Variants in SERPINI1 observed in about 807,000 individuals in gnomAD.
SERPINI1 encodes the protein serpin family I member 1, also known as neuroserpin.
Under a neutral mutation model 41.1 loss-of-function variants are expected in SERPINI1, and 19 were observed. The observed-to-expected ratio is 0.46, with a 90% CI of 0.32 to 0.68. The LOEUF (loss-of-function observed/expected upper bound fraction) is 0.68, where lower values mean the gene tolerates loss of function less well. SERPINI1 is among the 30% of genes least tolerant of loss of function. The pLI is 0.03. For synonymous variants in SERPINI1, 138 were observed against 156.6 expected, an observed-to-expected ratio of 0.88 and a Z score of 0.89; for missense variants, 460 against 479.2, an observed-to-expected ratio of 0.96 and a Z score of 0.37.
intron 6 of SERPINI1, among the ~76,000 whole-genome samples, chr3:167,809,649 CTGTT>C (rs988988627): frequency 5.3e-5 from 8 of 152,138 alleles, no homozygotes; most frequent in African/African-American, 1.2e-4. Context: ...TGCAAAGTAT[CTGTT>C]TGTTTGATCA....
chr3:167,739,680 T>C (rs1725607531), intron 1 of SERPINI1, among the ~76,000 whole-genome samples: 1 of 152,168 alleles, frequency 6.6e-6, no homozygotes. Context: ...GTAGAAACCA[T>C]ATTTCATTCT....
chr3:167,774,624 C>T (rs2108548029), intron 1 of SERPINI1, among the ~76,000 whole-genome samples: 1 of 152,246 alleles, frequency 6.6e-6, no homozygotes, highest in African/African-American at 2.4e-5. Flanking sequence ...AGCTCCACCT[C>T]CTGTCAGACC....
At chr3:167,772,864 C>CTCTCTCTCTCTATATATA (rs1374013676) in intron 1 of SERPINI1, among the ~76,000 whole-genome samples, 25 of 24,630 alleles carry the variant, frequency 1.0e-3, no homozygotes, top group African/African-American at 1.3e-3. Context: ...CTCTCTCTCT[C>CTCTCTCTCTCTATATATA]TATATATATA....
At chr3:167,766,497 G>T (rs1466562818) in intron 1 of SERPINI1, among the ~76,000 whole-genome samples, 1 of 152,186 alleles carries the variant, frequency 6.6e-6, no homozygotes, top group East Asian at 1.9e-4. Flanking sequence ...GGAATTACGG[G>T]TGCTACAACT....
At chr3:167,795,321 C>T (rs1206753846) in intron 5 of SERPINI1, among the ~76,000 whole-genome samples, 1 of 152,178 alleles carries the variant, frequency 6.6e-6, no homozygotes, top group Non-Finnish European at 1.5e-5. Flanking sequence ...TGCAACTCTG[C>T]TCAAAATTCT....
At chr3:167,822,808 G>T (rs537114978) in intron 6 of SERPINI1, 178 bp from the exon 7 acceptor site, 33 of 542,176 alleles carry the variant, frequency 6.1e-5, no homozygotes, top group Non-Finnish European at 1.1e-4. Context: ...TATAAAATGA[G>T]GGCAAATTAA....
chr3:167,749,260 C>A (rs1371155580), intron 1 of SERPINI1, among the ~76,000 whole-genome samples: 3 of 151,984 alleles, frequency 2.0e-5, no homozygotes, highest in African/African-American at 7.3e-5. Flanking sequence ...TACAATGTTC[C>A]TTTTATGTCT....
intron 1 of SERPINI1, among the ~76,000 whole-genome samples, chr3:167,774,860 G>C (rs1288790574): frequency 6.6e-6 from 1 of 152,084 alleles, no homozygotes; most frequent in African/African-American, 2.4e-5. Context: ...ATAAAGTACA[G>C]CAAGAAGTTA....
intron 5 of SERPINI1, among the ~76,000 whole-genome samples, chr3:167,804,317 C>T (rs2108565624): frequency 6.6e-6 from 1 of 152,290 alleles, no homozygotes; most frequent in East Asian, 1.9e-4. Context: ...GCCATCATTT[C>T]CTTCTCATTT....
intron 8 of SERPINI1, 23 bp from the exon 9 acceptor site, chr3:167,825,224 T>G (rs1364032964): frequency 6.6e-7 from 1 of 1,517,250 alleles, no homozygotes; most frequent in South Asian, 1.1e-5. Context: ...CCCCCTCTTT[T>G]GTTTACTTCT....
At chr3:167,788,983 T>C (rs1416164820) in intron 1 of SERPINI1, 128 bp from the exon 2 acceptor site, 1 of 856,598 alleles carries the variant, frequency 1.2e-6, no homozygotes, top group East Asian at 2.7e-5. Flanking sequence ...TCCTCAGAAC[T>C]TAGCAGTGTT....
chr3:167,783,834 A>G (rs1727218088), intron 1 of SERPINI1, among the ~76,000 whole-genome samples: 1 of 152,214 alleles, frequency 6.6e-6, no homozygotes, highest in Non-Finnish European at 1.5e-5. Context: ...CTTCAAAAGG[A>G]AGAAAGATCA....
intron 4 of SERPINI1, among the ~76,000 whole-genome samples, chr3:167,793,680 G>C (rs1187455404): frequency 6.6e-6 from 1 of 150,942 alleles, no homozygotes; most frequent in Non-Finnish European, 1.5e-5. Flanking sequence ...TTGAGCCCAA[G>C]AGTTTGAGGC....
chr3:167,815,373 C>CTTTTTCTTTT (rs557507554), intron 6 of SERPINI1, among the ~76,000 whole-genome samples: 4 of 151,256 alleles, frequency 2.6e-5, no homozygotes, highest in African/African-American at 9.8e-5. Flanking sequence ...GATGTGATTT[C>CTTTTTCTTTT]TTTTTCTTTT....
rs35578479 is a variant in SERPINI1, at chr3:167,763,357, TTG to T, written c.-18-25734_-18-25733del. 4.7e-3 allele frequency among the ~76,000 whole-genome samples: 699 copies of T among 147,580 alleles called. 8 individuals are homozygous for T. The highest frequency in any genetic ancestry group is 0.017 in the African/African-American group (665 of 38,904). On this transcript the variant is annotated intron_variant, in intron 1 of 8. Coordinates refer to ENST00000446050, the MANE Select transcript of SERPINI1 (RefSeq NM_001122752.2). ...CCACTGTCATATTTCAACCACAGTT[TTG>T]TGTGTGTGTGTGTGTGTGTATGTGT...
chr3:167,757,119 C>T (rs1297125868), intron 1 of SERPINI1, among the ~76,000 whole-genome samples: 3 of 152,176 alleles, frequency 2.0e-5, no homozygotes, highest in African/African-American at 7.2e-5. Flanking sequence ...TAGTTAATCA[C>T]AGTATCAAAT....
intron 5 of SERPINI1, among the ~76,000 whole-genome samples, chr3:167,798,881 G>GTGCTA: frequency 6.6e-6 from 1 of 152,144 alleles, no homozygotes; most frequent in South Asian, 2.1e-4. Flanking sequence ...AAACTATTGG[G>GTGCTA]TGCTGTGCTC....
intron 1 of SERPINI1, among the ~76,000 whole-genome samples, chr3:167,762,598 G>T (rs552945626): frequency 1.3e-5 from 2 of 152,136 alleles, no homozygotes; most frequent in African/African-American, 4.8e-5. Context: ...CTCAGCATTT[G>T]CACTTGCTAA....
At chr3:167,809,439 G>A (rs1711788082) in intron 6 of SERPINI1, among the ~76,000 whole-genome samples, 2 of 152,120 alleles carry the variant, frequency 1.3e-5, no homozygotes, top group Non-Finnish European at 2.9e-5. Context: ...CAGTCCTGAC[G>A]GAGTAGCACT....
Sources: gnomAD v4.1 joint callset for allele counts (sites outside exome capture counted in the v4.1 genomes callset) on GRCh38, gnomAD v4.1.1 for gene constraint, MANE v1.5 for transcripts, NCBI Gene and HGNC (gene_info 2026-07-23, HGNC 2026-07-21) for gene names.